SEMA5A: variants seen among roughly 807,000 people sequenced by gnomAD.
SEMA5A encodes semaphorin 5A.
Under a neutral mutation model 135.5 loss-of-function variants are expected in SEMA5A, and 55 were observed. The observed-to-expected ratio is 0.41, with a 90% CI of 0.33 to 0.51. The LOEUF (loss-of-function observed/expected upper bound fraction) is 0.51, where lower values mean the gene tolerates loss of function less well. SEMA5A is among the 20% of genes least tolerant of loss of function. The pLI is 0.37. For missense variants in SEMA5A, 1,290 were observed against 1,419.9 expected (o/e 0.91, Z 1.47); for synonymous variants, 580 against 546.5 (o/e 1.06, Z -0.85).
At chr5:9,416,314 C>T (rs1757282249) in intron 2 of SEMA5A, among the ~76,000 whole-genome samples, 2 of 152,136 alleles carry the variant, frequency 1.3e-5, no homozygotes, top group Admixed American at 1.3e-4. Context: ...TAGAGGGTCA[C>T]TGGGGGAGTG....
chr5:9,421,424 A>C (rs1167426176), intron 2 of SEMA5A, among the ~76,000 whole-genome samples: 1 of 152,224 alleles, frequency 6.6e-6, no homozygotes. Context: ...GCAGTAAAAA[A>C]GCTTCTATAA....
intron 2 of SEMA5A, among the ~76,000 whole-genome samples, chr5:9,384,655 G>GAT (rs1554028643): frequency 8.6e-6 from 1 of 116,418 alleles, no homozygotes. Context: ...TAGATAGATA[G>GAT]ATAGATATAG....
At chr5:9,243,366 G>T (rs1000901454) in intron 5 of SEMA5A, among the ~76,000 whole-genome samples, 2 of 152,034 alleles carry the variant, frequency 1.3e-5, no homozygotes, top group African/African-American at 4.8e-5. Context: ...TTCTTATAAG[G>T]ACACCGGCCA....
At chr5:9,109,883 C>A (rs543359038) in intron 15 of SEMA5A, among the ~76,000 whole-genome samples, 7 of 152,208 alleles carry the variant, frequency 4.6e-5, no homozygotes, top group Admixed American at 1.3e-4. Context: ...TAGCCAGCCA[C>A]CAGGAAAAGA....
chr5:9,051,981 C>T lies in SEMA5A; in HGVS notation c.2737G>A (p.Val913Ile), dbSNP rs545915512. 2.1e-5 allele frequency: 34 copies of T among 1,613,630 alleles called. No individual in the cohort carries two copies. Among genetic ancestry groups the T allele is most frequent in the Admixed American group, 6.7e-5 (4 of 59,976 alleles). Residue 913 changes from valine (V) to isoleucine (I), a missense_variant, in exon 20 of 23, where the codon GTC (valine) becomes ATC (isoleucine). Coordinates refer to ENST00000382496, the MANE Select transcript of SEMA5A (RefSeq NM_003966.3). ...ATGCACTGGCGGGCGCGGACTTGGA[C>T]GCCAGAGGCTTCACACTCAGACCAG... ...SDWSECEASG[V>I]QVRARQCILL... is the part of the protein sequence containing the mutation.
chr5:9,189,509 T>C (rs1437609079), intron 11 of SEMA5A, among the ~76,000 whole-genome samples: 2 of 151,908 alleles, frequency 1.3e-5, no homozygotes, highest in East Asian at 3.9e-4. Flanking sequence ...ACAGTAATCG[T>C]GATCCATGAG....
intron 2 of SEMA5A, among the ~76,000 whole-genome samples, chr5:9,401,207 G>A (rs1036127936): frequency 6.6e-6 from 1 of 152,198 alleles, no homozygotes; most frequent in Non-Finnish European, 1.5e-5. Flanking sequence ...GGAAGACCCA[G>A]TGAGCATGAA....
intron 3 of SEMA5A, among the ~76,000 whole-genome samples, chr5:9,349,546 A>G (rs965259535): frequency 6.6e-6 from 1 of 152,218 alleles, no homozygotes; most frequent in Non-Finnish European, 1.5e-5. Flanking sequence ...GCACCATCCA[A>G]TGAAAATGTA....
intron 4 of SEMA5A, among the ~76,000 whole-genome samples, chr5:9,325,056 A>G (rs568931938): frequency 6.6e-6 from 1 of 152,218 alleles, no homozygotes; most frequent in Non-Finnish European, 1.5e-5. Context: ...GTGGTGCAAG[A>G]GGTTAAGAGA....
intron 16 of SEMA5A, among the ~76,000 whole-genome samples, chr5:9,069,171 C>T (rs1288216902): frequency 1.3e-5 from 2 of 152,172 alleles, no homozygotes; most frequent in African/African-American, 4.8e-5. Context: ...TTTGTACAGA[C>T]AATTTAAGCA....
chr5:9,316,276 A>G lies in SEMA5A; in HGVS notation c.270+2096T>C, dbSNP rs138162258. On this transcript the variant is annotated intron_variant, in intron 5 of 22. Coordinates refer to ENST00000382496, the MANE Select transcript of SEMA5A (RefSeq NM_003966.3). ...TGAAACAACAAGCTCTTCCAGTCTTATCTGAGTTCTCCTTGCCCAATTCTA... is the reference window on the plus strand; with the variant it reads ...TGAAACAACAAGCTCTTCCAGTCTTGTCTGAGTTCTCCTTGCCCAATTCTA... Among the ~76,000 whole-genome samples the G allele has an allele frequency of 3.0e-4, 45 of 152,296 alleles. 1 individual carries two copies. The East Asian group carries it at 8.5e-3, about 29-fold the overall frequency.
intron 22 of SEMA5A, 75 bp from the exon 23 acceptor site, chr5:9,043,091 T>G: frequency 2.3e-6 from 3 of 1,311,770 alleles, no homozygotes; most frequent in Non-Finnish European, 3.2e-6. Context: ...CAAGGATGAC[T>G]ATTATGTTGA....
At chr5:9,195,012 G>A (rs1579585091) in intron 10 of SEMA5A, among the ~76,000 whole-genome samples, 1 of 152,186 alleles carries the variant, frequency 6.6e-6, no homozygotes, top group South Asian at 2.1e-4. Context: ...AAACATCACT[G>A]TATGGAAAAT....
intron 16 of SEMA5A, among the ~76,000 whole-genome samples, chr5:9,082,736 T>C (rs1412352830): frequency 6.6e-6 from 1 of 152,144 alleles, no homozygotes; most frequent in Non-Finnish European, 1.5e-5. Context: ...TGGAAGCAAA[T>C]ATCAGATGCA....
Position 9,325,631 on chromosome 5 carries a change from T to C in SEMA5A, c.225-7214A>G, listed in dbSNP as rs545254565. On this transcript the variant is annotated intron_variant, in intron 4 of 22. Coordinates refer to ENST00000382496, the MANE Select transcript of SEMA5A (RefSeq NM_003966.3). ...AGTTCATTTGTATCTTCATGTAAAG[T>C]AGTAAAATGCAGCCGGCATTAAAGA... Among the ~76,000 whole-genome samples, 133 of 152,208 alleles carry C rather than the reference T, an allele frequency of 8.7e-4. 2 individuals are homozygous for C. The highest frequency in any genetic ancestry group is 3.1e-3 in the African/African-American group (127 of 41,528).
At chr5:9,544,526 A>G (rs56411742) in intron 1 of SEMA5A, among the ~76,000 whole-genome samples, 12,316 of 121,710 alleles carry the variant, frequency 0.1, 667 homozygotes, top group Non-Finnish European at 0.14. Flanking sequence ...CCCGGCCCCC[A>G]AAATGAAATT....
chr5:9,118,182 G>A (rs532248913), intron 15 of SEMA5A, among the ~76,000 whole-genome samples: 3 of 152,238 alleles, frequency 2.0e-5, no homozygotes, highest in Admixed American at 1.3e-4. Context: ...TAATTAAAAT[G>A]CACTGAAAGT....
intron 16 of SEMA5A, among the ~76,000 whole-genome samples, chr5:9,074,956 G>GA (rs1362262774): frequency 1.3e-5 from 2 of 152,160 alleles, no homozygotes; most frequent in East Asian, 3.8e-4. Flanking sequence ...TCAATTTTCA[G>GA]AATGCTACAA....
Position 9,202,251 on chromosome 5 carries a change from T to C in SEMA5A, c.647-11A>G, listed in dbSNP as rs201813394. 12 of 1,608,254 alleles carry C rather than the reference T, an allele frequency of 7.5e-6. No homozygotes were observed. The highest frequency in any genetic ancestry group is 5.3e-5 in the African/African-American group (4 of 74,770). ...ACACAAAGTTTGGCTCTGGAAACAA[T>C]AGAAAAGAGGGAAAAAATCTCAACA... On this transcript the variant is annotated splice_polypyrimidine_tract_variant and intron_variant, in intron 8 of 22. Coordinates refer to ENST00000382496, the MANE Select transcript of SEMA5A (RefSeq NM_003966.3).
Sources: gnomAD v4.1 joint callset for allele counts (sites outside exome capture counted in the v4.1 genomes callset) on GRCh38, gnomAD v4.1.1 for gene constraint, MANE v1.5 for transcripts, NCBI Gene and HGNC (gene_info 2026-07-23, HGNC 2026-07-21) for gene names.